The following TP63 variants were observed in gnomAD, a reference collection of about 807,000 sequenced individuals.
TP63 encodes tumor protein 63.
A neutral mutation model predicts 82.8 loss-of-function variants in TP63; 17 were observed. That is an observed-to-expected ratio of 0.21 (90% CI 0.14 to 0.31). The LOEUF is 0.31. Ranked by LOEUF, TP63 falls within the 10% of genes least tolerant of loss-of-function variation. The pLI, the probability that TP63 is intolerant of heterozygous loss-of-function variation, is 1.00. For missense variants in TP63, 648 were observed against 895.3 expected (o/e 0.72, Z 3.52); for synonymous variants, 330 against 321.7 (o/e 1.03, Z -0.28).
At chr3:189,622,756 G>C in the TP63 span, among the ~76,000 whole-genome samples, 1 of 152,142 alleles carries the variant, frequency 6.6e-6, no homozygotes, top group Non-Finnish European at 1.5e-5. Context: ...TTATTTCATC[G>C]TGTGATTGTA....
chr3:189,820,608 T>G (rs1040908319), intron 4 of TP63, among the ~76,000 whole-genome samples: 2 of 152,334 alleles, frequency 1.3e-5, no homozygotes, highest in African/African-American at 4.8e-5. Flanking sequence ...TGAAATGGTT[T>G]GTTGGATACT....
rs537164952 is a variant in TP63 at position 189,706,371 on chromosome 3, C to T, written c.63-31369C>T. The stretch of plus-strand genomic sequence containing the variant: ...TCCTGGGTTCAAGTGATTCTCCTGC[C>T]TCAGCCTCCCAAGTAGTGGGATTAC... On this transcript the variant is annotated intron_variant, in intron 1 of 13. Coordinates refer to ENST00000264731, the MANE Select transcript of TP63 (RefSeq NM_003722.5). Among the ~76,000 whole-genome samples the T allele has an allele frequency of 1.1e-4, 16 of 152,192 alleles. No homozygotes were observed. In the East Asian group the frequency reaches 2.7e-3, roughly 26 times the overall value.
chr3:189,789,555 TGGA>T, intron 3 of TP63: 1 of 714,918 alleles, frequency 1.4e-6, no homozygotes, highest in Admixed American at 4.5e-5. Flanking sequence ...TCCATTGGAG[TGGA>T]GGAGTCCAGG....
chr3:189,694,051 A>G (rs757982506), intron 1 of TP63, among the ~76,000 whole-genome samples: 10 of 152,216 alleles, frequency 6.6e-5, no homozygotes, highest in Non-Finnish European at 1.0e-4. Context: ...GCCATGGACT[A>G]TAATAAAGTA....
At chr3:189,841,136 A>C (rs905791599) in intron 4 of TP63, among the ~76,000 whole-genome samples, 7 of 152,184 alleles carry the variant, frequency 4.6e-5, no homozygotes, top group Non-Finnish European at 1.0e-4. Context: ...ACAGGAAGAC[A>C]TCCTGCAATG....
rs529378263 is a variant in TP63, at chr3:189,779,308, C to G, written c.325-28964C>G. ...ATGTTTTCTTACAAAATCAAACCAG[C>G]AGCCTCCATAGGCCAGAAGATCTGG... On this transcript the variant is annotated intron_variant, in intron 3 of 13. Transcript: ENST00000264731. Among the ~76,000 whole-genome samples, 3 of 152,328 alleles carry G rather than the reference C, an allele frequency of 2.0e-5. No individual in the cohort carries two copies. In the South Asian group the frequency reaches 6.2e-4, roughly 32 times the overall value.
intron 3 of TP63, among the ~76,000 whole-genome samples, chr3:189,795,479 T>C (rs1725596721): frequency 6.6e-6 from 1 of 151,942 alleles, no homozygotes; most frequent in Admixed American, 6.6e-5. Context: ...ATAAAGGTAA[T>C]ATTTTATATG....
intron 3 of TP63, among the ~76,000 whole-genome samples, chr3:189,759,389 C>G (rs941636051): frequency 5.9e-5 from 9 of 152,092 alleles, no homozygotes; most frequent in African/African-American, 2.2e-4. Flanking sequence ...AGTGACTAAC[C>G]TGTCAAGGAA....
At chr3:189,679,788 G>A (rs1192601572) in intron 1 of TP63, among the ~76,000 whole-genome samples, 1 of 151,990 alleles carries the variant, frequency 6.6e-6, no homozygotes, top group Non-Finnish European at 1.5e-5. Context: ...TATTCAATTG[G>A]TATTTATATT....
chr3:189,724,521 T>G (rs1719629069), intron 1 of TP63, among the ~76,000 whole-genome samples: 1 of 152,222 alleles, frequency 6.6e-6, no homozygotes, highest in Non-Finnish European at 1.5e-5. Flanking sequence ...GTGTCATTCT[T>G]CTGCCTTTGC....
At chr3:189,675,659 T>C (rs1715326014) in intron 1 of TP63, among the ~76,000 whole-genome samples, 3 of 152,144 alleles carry the variant, frequency 2.0e-5, no homozygotes, top group Admixed American at 6.6e-5. Context: ...TGTTGACTCA[T>C]AAATAGATTG....
chr3:189,804,649 T>G (rs1726692383), intron 3 of TP63, among the ~76,000 whole-genome samples: 1 of 152,242 alleles, frequency 6.6e-6, no homozygotes, highest in Non-Finnish European at 1.5e-5. Context: ...ACTAGATATT[T>G]TAAAAATTAA....
chr3:189,800,588 C>T (rs1726192570), intron 3 of TP63, among the ~76,000 whole-genome samples: 1 of 151,874 alleles, frequency 6.6e-6, no homozygotes, highest in Admixed American at 6.6e-5. Flanking sequence ...TACATGCAGT[C>T]GGAATGAAAG....
rs1041799965 is a variant in TP63, at chr3:189,895,260, C to T, written c.*758C>T. On this transcript the variant is annotated 3_prime_UTR_variant, in exon 14 of 14. Coordinates refer to ENST00000264731, the MANE Select transcript of TP63 (RefSeq NM_003722.5). ...TTATAAGAAGAAGTTCATGTCCAAA[C>T]GTCCTCTTTAGTTTTTGGTTGGGAA... is the stretch of plus-strand genomic sequence containing the variant. 171 of 221,468 alleles carry T rather than the reference C, an allele frequency of 7.7e-4. No individual in the cohort carries two copies. The highest frequency in any genetic ancestry group is 3.5e-3 in the African/African-American group (159 of 44,790). The allele number at this position is 221,468 out of a possible 1,614,324, so 13.7% of individuals were successfully genotyped here. A position where few individuals can be genotyped will look rare whatever the true frequency, so the allele number is the denominator to read the frequency against.
chr3:189,761,727 A>C (rs891541673), intron 3 of TP63, among the ~76,000 whole-genome samples: 3 of 152,166 alleles, frequency 2.0e-5, no homozygotes, highest in African/African-American at 7.2e-5. Context: ...GTATTAGTCC[A>C]TTTTACACTA....
the TP63 span, among the ~76,000 whole-genome samples, chr3:189,613,200 G>C: frequency 6.6e-6 from 1 of 151,786 alleles, no homozygotes; most frequent in African/African-American, 2.4e-5. Flanking sequence ...AGAGACCCAG[G>C]AGGAAAAAGT....
rs917483485 is a variant in TP63, at chr3:189,768,286, A to T, written c.324+29512A>T. On this transcript the variant is annotated intron_variant, in intron 3 of 13. Coordinates refer to ENST00000264731, the MANE Select transcript of TP63 (RefSeq NM_003722.5). Reference sequence around the variant, plus strand: ...GCTTTTCTTTACTATTTACTTTTTTAGGTCAGTCATTGAACACAAGGGGCT... The same window carrying T: ...GCTTTTCTTTACTATTTACTTTTTTTGGTCAGTCATTGAACACAAGGGGCT... Among the ~76,000 whole-genome samples, 6 of 152,092 alleles carry T rather than the reference A, an allele frequency of 3.9e-5. No homozygotes were observed. In the South Asian group the frequency reaches 1.0e-3, roughly 26 times the overall value.
intron 3 of TP63, among the ~76,000 whole-genome samples, chr3:189,783,112 C>T (rs2108579306): frequency 6.6e-6 from 1 of 151,988 alleles, no homozygotes; most frequent in East Asian, 1.9e-4. Context: ...AAATTGAATT[C>T]TCAACTAATT....
At chr3:189,720,960 AG>A (rs1241144321) in intron 1 of TP63, among the ~76,000 whole-genome samples, 1 of 152,182 alleles carries the variant, frequency 6.6e-6, no homozygotes, top group African/African-American at 2.4e-5. Flanking sequence ...GTGAGGCCAG[AG>A]GGCCTATTCG....
Sources: allele counts gnomAD v4.1 joint callset (sites outside exome capture counted in the v4.1 genomes callset), GRCh38; gene constraint gnomAD v4.1.1; transcripts MANE v1.5; gene names NCBI Gene and HGNC (gene_info 2026-07-23, HGNC 2026-07-21).